Variants in DGKG observed in about 807,000 individuals in gnomAD.
DGKG encodes the protein diacylglycerol kinase gamma.
DGKG carries 78 observed loss-of-function variants against 105.3 expected under a neutral mutation model. The observed-to-expected ratio is 0.74, with a 90% CI of 0.62 to 0.89. The LOEUF (loss-of-function observed/expected upper bound fraction) is 0.89. Ranked by LOEUF, DGKG falls within the 40% of genes least tolerant of loss-of-function variation. DGKG has a pLI of 0.00. For synonymous variants in DGKG, 346 were observed against 367.1 expected (o/e 0.94, Z 0.66); for missense variants, 958 against 1,020.1 (o/e 0.94, Z 0.83).
At chr3:186,184,257 C>T (rs975406428) in intron 22 of DGKG, among the ~76,000 whole-genome samples, 5 of 152,042 alleles carry the variant, frequency 3.3e-5, no homozygotes, top group African/African-American at 9.7e-5. Context: ...GGTAATTTCC[C>T]AAGATCTATA....
chr3:186,299,946 C>T (rs565599579), intron 3 of DGKG, among the ~76,000 whole-genome samples: 50 of 151,754 alleles, frequency 3.3e-4, no homozygotes, highest in African/African-American at 1.0e-3. Flanking sequence ...GTGATCCTCA[C>T]GCCTCAGCCT....
In DGKG at chr3:186,305,195, T is replaced by G. The variant is rs572810871; in HGVS notation, c.144+1706A>C. On this transcript the variant is annotated intron_variant, in intron 3 of 24. Transcript: ENST00000265022. ...TGGTGAGAAGTACTTAGGAGGAAAA[T>G]AATGCAGAGCAGGGGGATAGGAAAT... is the stretch of plus-strand genomic sequence containing the variant. Among the ~76,000 whole-genome samples the G allele has an allele frequency of 8.5e-4, 130 of 152,080 alleles. 2 individuals carry two copies. The South Asian group carries it at 0.026, about 31-fold the overall frequency.
At chr3:186,334,613 T>G (rs1388046614) in intron 1 of DGKG, among the ~76,000 whole-genome samples, 1 of 152,234 alleles carries the variant, frequency 6.6e-6, no homozygotes, top group Admixed American at 6.5e-5. Flanking sequence ...TTCATTAATA[T>G]TCAGTAACCT....
At chr3:186,241,962 C>T (rs536392640) in intron 20 of DGKG, among the ~76,000 whole-genome samples, 1 of 152,152 alleles carries the variant, frequency 6.6e-6, no homozygotes, top group Admixed American at 6.5e-5. Context: ...TTAGTGGGTT[C>T]CGGGTCTCCA....
chr3:186,221,213 G>A (rs1719561206), intron 20 of DGKG, among the ~76,000 whole-genome samples: 1 of 152,220 alleles, frequency 6.6e-6, no homozygotes, highest in South Asian at 2.1e-4. Context: ...AGGGGAGAAT[G>A]CTGAGGGGCA....
intron 2 of DGKG, among the ~76,000 whole-genome samples, chr3:186,311,654 G>C (rs1263715166): frequency 6.6e-6 from 1 of 152,136 alleles, no homozygotes; most frequent in Admixed American, 6.5e-5. Context: ...GCCTTTTAAA[G>C]GGAAAAATTT....
rs1392169176 is a variant in DGKG at position 186,226,406 on chromosome 3, C to T, written c.1827-14521G>A. Among the ~76,000 whole-genome samples, 2 of 152,128 alleles carry T rather than the reference C, an allele frequency of 1.3e-5. No individual in the cohort carries two copies. Among genetic ancestry groups the T allele is most frequent in the African/African-American group, 2.4e-5 (1 of 41,396 alleles). On this transcript the variant is annotated intron_variant, in intron 20 of 24. Coordinates refer to ENST00000265022, the MANE Select transcript of DGKG (RefSeq NM_001346.3). This position sits in a 1 kb window ranked among gnomAD's most constrained non-coding sequence, Gnocchi z 4.2. Reference sequence around the variant, plus strand: ...CGTCAGCTCAAATCAGAGGGCATCCCGTGGTGTTATCTCCACCCCAACCCT... The same window carrying T: ...CGTCAGCTCAAATCAGAGGGCATCCTGTGGTGTTATCTCCACCCCAACCCT...
chr3:186,147,847 G>GT lies in DGKG; in HGVS notation c.*2242dup. On this transcript the variant is annotated 3_prime_UTR_variant, in exon 25 of 25. Coordinates refer to ENST00000265022, the MANE Select transcript of DGKG (RefSeq NM_001346.3). ...TCAGAAACAAGTGGCTTCCAAGATA[G>GT]TACCTGTAGTAATTCTGGAGCTTGT... The GT allele has an allele frequency of 1.0e-6, 1 of 985,404 alleles. No individual in the cohort carries two copies. The allele number at this position is 985,404 out of a possible 1,614,324, so 61.0% of individuals were successfully genotyped here. A position where few individuals can be genotyped will look rare whatever the true frequency, so the allele number is the denominator to read the frequency against.
intron 24 of DGKG, among the ~76,000 whole-genome samples, chr3:186,156,024 G>A (rs1716018382): frequency 6.6e-6 from 1 of 151,702 alleles, no homozygotes; most frequent in South Asian, 2.1e-4. Context: ...GATTCTAATA[G>A]CTGGTTTCTT....
At chr3:186,275,714 A>T (rs766503679) in intron 9 of DGKG, 50 bp from the exon 10 acceptor site, 2 of 1,335,274 alleles carry the variant, frequency 1.5e-6, no homozygotes, top group South Asian at 1.2e-5. Context: ...CCTGAGATGG[A>T]GGAAGCCAGG....
chr3:186,269,335 C>T (rs1051682559), intron 11 of DGKG, among the ~76,000 whole-genome samples: 6 of 152,220 alleles, frequency 3.9e-5, no homozygotes, highest in Non-Finnish European at 8.8e-5. Context: ...GCTGGAGTCC[C>T]TTTGAAGTGG....
At chr3:186,162,502 G>T (rs1203026917) in intron 23 of DGKG, among the ~76,000 whole-genome samples, 1 of 152,218 alleles carries the variant, frequency 6.6e-6, no homozygotes, top group African/African-American at 2.4e-5. Context: ...GTCTGAGTGT[G>T]TCTTGCCTTG....
At chr3:186,313,429 C>G in intron 2 of DGKG, 1 of 897,894 alleles carries the variant, frequency 1.1e-6, no homozygotes, top group Non-Finnish European at 1.3e-6. Flanking sequence ...ACTGGTATGA[C>G]TTATTTGTGT....
chr3:186,333,818 A>G (rs1052300580), intron 1 of DGKG, among the ~76,000 whole-genome samples: 4 of 152,162 alleles, frequency 2.6e-5, no homozygotes, highest in Non-Finnish European at 4.4e-5. Context: ...CTCTGTAAAA[A>G]TGCCTAGGTA....
chr3:186,239,190 T>C (rs1453253068), intron 20 of DGKG, among the ~76,000 whole-genome samples: 1 of 152,036 alleles, frequency 6.6e-6, no homozygotes, highest in Non-Finnish European at 1.5e-5. Flanking sequence ...GACTAGTCAC[T>C]CTCCCTTGCT....
intron 24 of DGKG, among the ~76,000 whole-genome samples, chr3:186,151,848 A>T (rs1715776846): frequency 6.6e-6 from 1 of 151,960 alleles, no homozygotes; most frequent in African/African-American, 2.4e-5. Context: ...GGAGGCTGAG[A>T]TGGGCGGATC....
chr3:186,207,214 T>A (rs1221351246), intron 21 of DGKG, among the ~76,000 whole-genome samples: 1 of 152,134 alleles, frequency 6.6e-6, no homozygotes, highest in Non-Finnish European at 1.5e-5. Context: ...ATGGAAAAAA[T>A]TATTTCCTGC....
At chr3:186,317,192 G>A (rs546750012) in intron 2 of DGKG, among the ~76,000 whole-genome samples, 2 of 152,300 alleles carry the variant, frequency 1.3e-5, no homozygotes, top group South Asian at 4.1e-4. Context: ...CCTCCATGCT[G>A]CACTCTTTTC....
At chr3:186,187,097 C>G (rs113583259) in intron 22 of DGKG, among the ~76,000 whole-genome samples, 1,628 of 152,286 alleles carry the variant, frequency 0.011, 38 homozygotes, top group African/African-American at 0.036. Context: ...ACGGGGCCCT[C>G]TAGGCCACGT....
Sources: gnomAD v4.1 joint callset for allele counts (sites outside exome capture counted in the v4.1 genomes callset) on GRCh38, gnomAD v4.1.1 for gene constraint, Gnocchi (gnomAD v3.1) non-coding constraint, MANE v1.5 for transcripts, NCBI Gene and HGNC (gene_info 2026-07-23, HGNC 2026-07-21) for gene names.